UBASH3B: variants seen among roughly 807,000 people sequenced by gnomAD.
UBASH3B encodes the protein ubiquitin-associated and SH3 domain-containing protein B.
A neutral mutation model predicts 83.4 loss-of-function variants in UBASH3B; 37 were observed. The ratio of observed to expected loss-of-function variants is 0.44; its 90% CI spans 0.34 to 0.58. The LOEUF is 0.58. UBASH3B is among the 20% of genes least tolerant of loss of function. The pLI is 0.01. For missense variants in UBASH3B, 657 were observed against 827.2 expected (o/e 0.79, Z 2.52); for synonymous variants, 304 against 318.3 (o/e 0.96, Z 0.48).
rs556989258 is a variant in UBASH3B at position 122,701,618 on chromosome 11, G to A, written c.161+45408G>A. ...AGGGTCCTCGCTTGCATTGGCATAC[G>A]GTCCTGTAGCATCACTTGTTAGCCC... On this transcript the variant is annotated intron_variant, in intron 1 of 13. Transcript: ENST00000284273. Among the ~76,000 whole-genome samples, 26 of 152,144 alleles carry A rather than the reference G, an allele frequency of 1.7e-4. No individual in the cohort carries two copies. The East Asian group carries it at 2.1e-3, about 12-fold the overall frequency.
rs368778092 is a variant in UBASH3B at position 122,777,542 on chromosome 11, G to A, written c.402+332G>A. 1.3e-4 allele frequency among the ~76,000 whole-genome samples: 20 copies of A among 152,210 alleles called. No homozygotes were observed. The East Asian group carries it at 2.3e-3, about 18-fold the overall frequency. On this transcript the variant is annotated intron_variant, in intron 3 of 13. Transcript: ENST00000284273. ...TGCTGTCTACCCTCTCCACTCTTACGACAAGCAAAGAGGAGGAACTAAGAG... is the reference window on the plus strand; with the variant it reads ...TGCTGTCTACCCTCTCCACTCTTACAACAAGCAAAGAGGAGGAACTAAGAG...
At chr11:122,683,574 C>T (rs1333861892) in intron 1 of UBASH3B, among the ~76,000 whole-genome samples, 1 of 147,554 alleles carries the variant, frequency 6.8e-6, no homozygotes, top group Non-Finnish European at 1.5e-5. Context: ...CACTGCCCTT[C>T]AGCCTGGGGG....
intron 1 of UBASH3B, among the ~76,000 whole-genome samples, chr11:122,766,490 A>G (rs1011722010): frequency 2.6e-5 from 4 of 152,192 alleles, no homozygotes; most frequent in Non-Finnish European, 5.9e-5. Flanking sequence ...GCTTGCAGTG[A>G]GCCGAGATCG....
intron 1 of UBASH3B, among the ~76,000 whole-genome samples, chr11:122,772,698 G>C (rs912829556): frequency 5.9e-5 from 9 of 152,284 alleles, no homozygotes; most frequent in African/African-American, 2.2e-4. Flanking sequence ...AATCCCGCCG[G>C]AGCACTGCAA....
rs558934205 is a variant in UBASH3B, at chr11:122,813,773, T to C, written c.*3887T>C. On this transcript the variant is annotated 3_prime_UTR_variant, in exon 14 of 14. Transcript: ENST00000284273. Reference sequence around the variant, plus strand: ...GGTGATAGCAGAAGCTTTTCATTTTTAAACATAGAATTAAAATTGGATTTG... The same window carrying C: ...GGTGATAGCAGAAGCTTTTCATTTTCAAACATAGAATTAAAATTGGATTTG... 4 of 152,366 alleles carry C rather than the reference T, an allele frequency of 2.6e-5. No individual in the cohort carries two copies. The highest frequency in any genetic ancestry group is 9.6e-5 in the African/African-American group (4 of 41,590). The allele number at this position is 152,366 out of a possible 1,614,324, so 9.4% of individuals were successfully genotyped here.
At chr11:122,726,587 G>A (rs1460837789) in intron 1 of UBASH3B, among the ~76,000 whole-genome samples, 1 of 152,102 alleles carries the variant, frequency 6.6e-6, no homozygotes, top group Non-Finnish European at 1.5e-5. Flanking sequence ...GACCTCAAGT[G>A]ATCTGTTCAC....
At chr11:122,752,397 C>T (rs1455459683) in intron 1 of UBASH3B, among the ~76,000 whole-genome samples, 5 of 152,118 alleles carry the variant, frequency 3.3e-5, no homozygotes, top group East Asian at 1.9e-4. Flanking sequence ...TTATAGGGGG[C>T]GCGAGTTAGA....
intron 1 of UBASH3B, among the ~76,000 whole-genome samples, chr11:122,771,591 A>C (rs1860644416): frequency 1.3e-5 from 2 of 152,178 alleles, no homozygotes; most frequent in South Asian, 4.1e-4. Flanking sequence ...TTTAGGAAAG[A>C]GTCCTAAACT....
intron 1 of UBASH3B, among the ~76,000 whole-genome samples, chr11:122,713,471 G>T (rs998859916): frequency 1.3e-5 from 2 of 152,106 alleles, no homozygotes; most frequent in Non-Finnish European, 2.9e-5. Context: ...GCCTTGGAAG[G>T]AATATCCTAT....
chr11:122,797,272 C>T (rs1476587212), intron 9 of UBASH3B: 7 of 422,682 alleles, frequency 1.7e-5, no homozygotes, highest in Non-Finnish European at 2.1e-5. Flanking sequence ...CCAGTAATGG[C>T]GTGGGTTACT....
In UBASH3B at chr11:122,773,411, T is replaced by G. The variant is rs141824098; in HGVS notation, c.162-2808T>G. ...TCATGACCTTAGGGAAAATGAGATT[T>G]TACTCCTCGTGCAGCCTCCTGCCTG... On this transcript the variant is annotated intron_variant, in intron 1 of 13. Coordinates refer to ENST00000284273, the MANE Select transcript of UBASH3B (RefSeq NM_032873.5). 2.5e-4 allele frequency among the ~76,000 whole-genome samples: 38 copies of G among 152,358 alleles called. No homozygotes were observed. The East Asian group carries it at 6.9e-3, about 28-fold the overall frequency.
At chr11:122,764,195 C>T (rs1860494316) in intron 1 of UBASH3B, among the ~76,000 whole-genome samples, 1 of 152,130 alleles carries the variant, frequency 6.6e-6, no homozygotes, top group Admixed American at 6.5e-5. Context: ...AAAAATCCTT[C>T]AAAAGTCATG....
chr11:122,796,307 C>T, intron 8 of UBASH3B, 31 bp downstream of exon 8: 1 of 1,610,486 alleles, frequency 6.2e-7, no homozygotes, highest in Non-Finnish European at 8.5e-7. Context: ...CTCAGCACTG[C>T]CATACCCATA....
chr11:122,722,089 A>G (rs949215853), intron 1 of UBASH3B, among the ~76,000 whole-genome samples: 7 of 152,198 alleles, frequency 4.6e-5, no homozygotes, highest in African/African-American at 1.4e-4. Flanking sequence ...AACCTTTTGC[A>G]TCTGTTATTT....
chr11:122,689,626 A>G (rs1177567731), intron 1 of UBASH3B, among the ~76,000 whole-genome samples: 3 of 152,074 alleles, frequency 2.0e-5, no homozygotes, highest in Admixed American at 6.6e-5. Context: ...GTATCCTCCA[A>G]TTCAGTTCCA....
intron 1 of UBASH3B, chr11:122,709,295 C>T (rs779229086): frequency 3.3e-5 from 5 of 152,242 alleles, no homozygotes; most frequent in Non-Finnish European, 7.3e-5. Flanking sequence ...TTTCCCATCC[C>T]CAGCCCCACC....
At chr11:122,782,877 C>G (rs999552738) in intron 4 of UBASH3B, 176 bp from the exon 5 acceptor site, 2 of 716,744 alleles carry the variant, frequency 2.8e-6, no homozygotes, top group African/African-American at 1.9e-5. Context: ...TTCGGAATCT[C>G]TTGCCATCCC....
chr11:122,671,407 C>A (rs1863591738), intron 1 of UBASH3B, among the ~76,000 whole-genome samples: 1 of 152,172 alleles, frequency 6.6e-6, no homozygotes. Context: ...TGCACCTGGT[C>A]TTGAAGATCC....
At chr11:122,686,013 A>C (rs1863804391) in intron 1 of UBASH3B, among the ~76,000 whole-genome samples, 2 of 152,192 alleles carry the variant, frequency 1.3e-5, no homozygotes, top group Non-Finnish European at 2.9e-5. Context: ...CAAAGCAGGT[A>C]CTGAACCCAG....
Sources: gnomAD v4.1 joint callset for allele counts (sites outside exome capture counted in the v4.1 genomes callset) on GRCh38, gnomAD v4.1.1 for gene constraint, MANE v1.5 for transcripts, NCBI Gene and HGNC (gene_info 2026-07-23, HGNC 2026-07-21) for gene names.